The following BCL11B variants were observed in gnomAD, a reference collection of about 807,000 sequenced individuals.
The protein encoded by BCL11B is BCL11 transcription factor B.
A neutral mutation model predicts 49.9 loss-of-function variants in BCL11B; 8 were observed. The observed-to-expected ratio is 0.16, with a 90% CI of 0.09 to 0.29. The LOEUF is 0.29. Ranked by LOEUF, BCL11B falls within the 10% of genes least tolerant of loss-of-function variation. BCL11B has a pLI of 1.00. For synonymous variants in BCL11B, 739 were observed against 637.4 expected (o/e 1.16, Z -2.40); for missense variants, 1,006 against 1,351.0 (o/e 0.74, Z 4.00).
At chr14:99,250,677 T>C (rs971602501) in intron 2 of BCL11B, among the ~76,000 whole-genome samples, 5 of 152,192 alleles carry the variant, frequency 3.3e-5, no homozygotes, top group African/African-American at 1.2e-4. Flanking sequence ...TACTAACTAT[T>C]TACTGTCAAA....
rs1887071348 is a variant in BCL11B, at chr14:99,192,816, C to T, written c.641-16621G>A. Among the ~76,000 whole-genome samples, 1 of 152,142 alleles carries T rather than the reference C, an allele frequency of 6.6e-6. No individual in the cohort carries two copies. The highest frequency in any genetic ancestry group is 2.4e-5 in the African/African-American group (1 of 41,428). On this transcript the variant is annotated intron_variant, in intron 3 of 3. Coordinates refer to ENST00000357195, the MANE Select transcript of BCL11B (RefSeq NM_138576.4). The surrounding 1 kb of genome is among the most constrained non-coding windows in gnomAD (Gnocchi z 4.0). ...CCAGAGCGTGCATGGAAGAGTCCTGCCTCTGGTCAGTGCTCAATAGAGAAT... is the reference window on the plus strand; with the variant it reads ...CCAGAGCGTGCATGGAAGAGTCCTGTCTCTGGTCAGTGCTCAATAGAGAAT...
rs1888044494 is a variant in BCL11B, at chr14:99,222,655, T to G, written c.640+8690A>C. On this transcript the variant is annotated intron_variant, in intron 3 of 3. Coordinates refer to ENST00000357195, the MANE Select transcript of BCL11B (RefSeq NM_138576.4). ...ATCGGTGACTTTGTTTCCCTCTATG[T>G]CCAGCCAGGGCTGGAGGAAGCTTGT... is the stretch of plus-strand genomic sequence containing the variant. Among the ~76,000 whole-genome samples the G allele has an allele frequency of 3.3e-5, 5 of 152,192 alleles. No individual in the cohort carries two copies. In the South Asian group the frequency reaches 8.3e-4, roughly 25 times the overall value.
intron 1 of BCL11B, among the ~76,000 whole-genome samples, chr14:99,268,049 T>TCCCCTTAACCTCCCC (rs1566837858): frequency 2.0e-5 from 3 of 151,998 alleles, no homozygotes; most frequent in African/African-American, 7.2e-5. Flanking sequence ...CTCGGCACGA[T>TCCCCTTAACCTCCCC]TGCCACTGTG....
chr14:99,185,573 C>T lies in BCL11B; in HGVS notation c.641-9378G>A, dbSNP rs558964342. On this transcript the variant is annotated intron_variant, in intron 3 of 3. Transcript: ENST00000357195. The stretch of plus-strand genomic sequence containing the variant: ...GTGTGAGCACACTCAAGGTGCAGGG[C>T]GCTGGGCCACGCGACGCAGAAAGCA... Among the ~76,000 whole-genome samples, 93 of 152,068 alleles carry T rather than the reference C, an allele frequency of 6.1e-4. 1 individual carries two copies. Among genetic ancestry groups the T allele is most frequent in the African/African-American group, 1.8e-3 (73 of 41,382 alleles).
At chr14:99,217,399 C>CAG (rs1156893695) in intron 3 of BCL11B, among the ~76,000 whole-genome samples, 11 of 39,922 alleles carry the variant, frequency 2.8e-4, no homozygotes, top group Non-Finnish European at 4.2e-4. Flanking sequence ...CACACACACA[C>CAG]ACACACACAC....
Position 99,229,003 on chromosome 14 carries a change from AATGGATGG to A in BCL11B, c.640+2334_640+2341del, listed in dbSNP as rs546394639. Reference sequence around the variant, plus strand: ...GGATGGATGGATGGCTACATGGATGAATGGATGGATGGATGGATGGATGGATGGATGGA... The same window carrying A: ...GGATGGATGGATGGCTACATGGATGAATGGATGGATGGATGGATGGATGGA... On this transcript the variant is annotated intron_variant, in intron 3 of 3. Transcript: ENST00000357195. Among the ~76,000 whole-genome samples the A allele has an allele frequency of 7.7e-3, 832 of 107,594 alleles. 9 individuals are homozygous for A. The highest frequency in any genetic ancestry group is 0.027 in the African/African-American group (772 of 28,878). 70.6% of individuals were successfully genotyped at this position (107,594 alleles called of 152,430 possible). A position where few individuals can be genotyped will look rare whatever the true frequency, so the allele number is the denominator to read the frequency against.
At position 99,184,230 on chromosome 14, in the gene BCL11B, C is replaced by A. The variant is rs1410369788; in HGVS notation, c.641-8035G>T. Among the ~76,000 whole-genome samples, 1 of 152,200 alleles carries A rather than the reference C, an allele frequency of 6.6e-6. No individual in the cohort carries two copies. Among genetic ancestry groups the A allele is most frequent in the African/African-American group, 2.4e-5 (1 of 41,452 alleles). ...CCTCCATGCCCTTGCTGGTGCCATTCCTGCTTCTTGGAATACCTGCCGTTT... is the reference window on the plus strand; with the variant it reads ...CCTCCATGCCCTTGCTGGTGCCATTACTGCTTCTTGGAATACCTGCCGTTT... On this transcript the variant is annotated intron_variant, in intron 3 of 3. Coordinates refer to ENST00000357195, the MANE Select transcript of BCL11B (RefSeq NM_138576.4). This position sits in a 1 kb window ranked among gnomAD's most constrained non-coding sequence, Gnocchi z 6.1.
intron 3 of BCL11B, among the ~76,000 whole-genome samples, chr14:99,218,098 C>T (rs1310544933): frequency 2.2e-5 from 3 of 133,816 alleles, no homozygotes; most frequent in East Asian, 4.7e-4. Context: ...CAGAGTCTCA[C>T]TCTGTTGCCC....
intron 3 of BCL11B, among the ~76,000 whole-genome samples, chr14:99,210,795 C>T (rs1264089746): frequency 2.0e-5 from 3 of 152,158 alleles, no homozygotes; most frequent in Admixed American, 6.5e-5. Context: ...CACTGACGTG[C>T]GGAGGAGCCT....
chr14:99,243,906 A>G (rs976697072), intron 2 of BCL11B, among the ~76,000 whole-genome samples: 7 of 128,854 alleles, frequency 5.4e-5, no homozygotes, highest in African/African-American at 2.1e-4. Context: ...CAAATCTCCC[A>G]CACATTGCTC....
Position 99,175,897 on chromosome 14 carries a change from C to T in BCL11B, c.939G>A (p.Thr313=), listed in dbSNP as rs368688713. The T allele has an allele frequency of 5.5e-6, 8 of 1,456,894 alleles. No homozygotes were observed. In the East Asian group the frequency reaches 7.9e-5, roughly 14 times the overall value. 90.2% of individuals were successfully genotyped at this position (1,456,894 alleles called of 1,614,324 possible). ...PGFGEGRLPG[T]PPLFSPPPRH... ...GCGGCGGGGGACTGAAGAGAGGCGG[C>T]GTGCCCGGCAGGCGGCCCTCGCCGA... is the stretch of plus-strand genomic sequence containing the variant. The change falls in exon 4 of 4, where the codon ACG becomes ACA. Residue 313 remains threonine, a synonymous_variant. Transcript: ENST00000357195.
In BCL11B at chr14:99,171,348, A is replaced by AT. The variant is rs1309318960; in HGVS notation, c.*2802dup. On this transcript the variant is annotated 3_prime_UTR_variant, in exon 4 of 4. Coordinates refer to ENST00000357195, the MANE Select transcript of BCL11B (RefSeq NM_138576.4). ...CTGTACAATAGGACTTAACATACAA[A>AT]TGTGTTTTTTTTGCAATATTTTATC... is the stretch of plus-strand genomic sequence containing the variant. The AT allele has an allele frequency of 4.5e-6, 1 of 221,552 alleles. No homozygotes were observed. Among genetic ancestry groups the AT allele is most frequent in the East Asian group, 6.7e-5 (1 of 15,010 alleles). 13.7% of individuals were successfully genotyped at this position (221,552 alleles called of 1,614,324 possible).
At chr14:99,193,776 T>C (rs1887104737) in intron 3 of BCL11B, among the ~76,000 whole-genome samples, 1 of 152,212 alleles carries the variant, frequency 6.6e-6, no homozygotes, top group South Asian at 2.1e-4. Context: ...GCACCTCTTT[T>C]TCATCAAGTC....
chr14:99,191,740 G>C (rs796562108), intron 3 of BCL11B, among the ~76,000 whole-genome samples: 1 of 151,298 alleles, frequency 6.6e-6, no homozygotes, highest in South Asian at 2.1e-4. Flanking sequence ...AAAATGCTCC[G>C]AGTGACTTCC....
intron 3 of BCL11B, among the ~76,000 whole-genome samples, chr14:99,209,774 T>C (rs1412303760): frequency 6.6e-6 from 1 of 152,116 alleles, no homozygotes; most frequent in Non-Finnish European, 1.5e-5. Flanking sequence ...TCTAAATCTA[T>C]GACCTCAGTC....
At chr14:99,202,044 G>A (rs1032495132) in intron 3 of BCL11B, among the ~76,000 whole-genome samples, 3 of 152,078 alleles carry the variant, frequency 2.0e-5, no homozygotes, top group African/African-American at 7.2e-5. Context: ...ACAGTGGCTC[G>A]ATTACCACTC....
rs1190983764 is a variant in BCL11B, at chr14:99,170,302, A to T, written c.*3849T>A. 4.5e-6 allele frequency: 1 copy of T among 221,310 alleles called. No homozygotes were observed. Among genetic ancestry groups the T allele is most frequent in the Non-Finnish European group, 9.1e-6 (1 of 110,460 alleles). The allele number at this position is 221,310 out of a possible 1,614,324, so 13.7% of individuals were successfully genotyped here. On this transcript the variant is annotated 3_prime_UTR_variant, in exon 4 of 4. Transcript: ENST00000357195. ...CAAAGGTAAGTGGCAAGGAGGAAAG[A>T]GTGCATCGAACAGAAAAGCTTCTGC...
rs1356712250 is a variant in BCL11B, at chr14:99,184,842, C to G, written c.641-8647G>C. 1.3e-5 allele frequency among the ~76,000 whole-genome samples: 2 copies of G among 152,232 alleles called. No individual in the cohort carries two copies. The highest frequency in any genetic ancestry group is 2.9e-5 in the Non-Finnish European group (2 of 68,038). Reference sequence around the variant, plus strand: ...CCCCATAGTGTTGGGTGACCGTCCACTTACCCTCATGGGACCCCTGCAGCA... The same window carrying G: ...CCCCATAGTGTTGGGTGACCGTCCAGTTACCCTCATGGGACCCCTGCAGCA... On this transcript the variant is annotated intron_variant, in intron 3 of 3. Coordinates refer to ENST00000357195, the MANE Select transcript of BCL11B (RefSeq NM_138576.4). This position sits in a 1 kb window ranked among gnomAD's most constrained non-coding sequence, Gnocchi z 6.1.
Position 99,174,124 on chromosome 14 carries a change from A to C in BCL11B, c.*27T>G, listed in dbSNP as rs1167497760. ...TCGGTTGGCAACGGTTCCACTGTAC[A>C]GGTGCGGGGCGCCGGGGCCCGCGCG... On this transcript the variant is annotated 3_prime_UTR_variant, in exon 4 of 4. Transcript: ENST00000357195. 1 of 1,601,542 alleles carries C rather than the reference A, an allele frequency of 6.2e-7. No individual in the cohort carries two copies. Among genetic ancestry groups the C allele is most frequent in the Non-Finnish European group, 8.5e-7 (1 of 1,176,022 alleles).
Sources: gnomAD v4.1 joint callset for allele counts (sites outside exome capture counted in the v4.1 genomes callset) on GRCh38, gnomAD v4.1.1 for gene constraint, Gnocchi (gnomAD v3.1) non-coding constraint, MANE v1.5 for transcripts, NCBI Gene and HGNC (gene_info 2026-07-23, HGNC 2026-07-21) for gene names.